The following RBFOX1 variants were observed in gnomAD, a reference collection of about 807,000 sequenced individuals.
RBFOX1 encodes RNA binding fox-1 homolog 1, also known as RNA binding protein fox-1 homolog 1.
In RBFOX1, 8 loss-of-function variants were observed where a neutral mutation model predicts 57.7. The observed-to-expected ratio is 0.14, with a 90% CI of 0.08 to 0.25. RBFOX1 has a LOEUF of 0.25. RBFOX1 is among the 10% of genes least tolerant of loss of function. RBFOX1 has a pLI of 1.00. For synonymous variants in RBFOX1, 326 were observed against 222.4 expected, an observed-to-expected ratio of 1.47 and a Z score of -4.15; for missense variants, 611 against 548.5, an observed-to-expected ratio of 1.11 and a Z score of -1.14.
At chr16:6,588,555 G>A (rs1307757017) in intron 2 of RBFOX1, among the ~76,000 whole-genome samples, 1 of 152,076 alleles carries the variant, frequency 6.6e-6, no homozygotes. Flanking sequence ...TGGAGGCTGA[G>A]GCTGGAGAAT....
chr16:6,169,598 A>G (rs538057163), intron 1 of RBFOX1, among the ~76,000 whole-genome samples: 6 of 152,140 alleles, frequency 3.9e-5, no homozygotes, highest in Admixed American at 3.9e-4. Context: ...GAAATGAGGT[A>G]CAGAAATTAG....
At chr16:6,978,926 G>T (rs2087866975) in intron 3 of RBFOX1, among the ~76,000 whole-genome samples, 1 of 152,172 alleles carries the variant, frequency 6.6e-6, no homozygotes, top group Non-Finnish European at 1.5e-5. Flanking sequence ...ACAGAGGCCT[G>T]GGGACCACAC....
At chr16:5,996,015 G>A (rs568283698) in intron 4 of RBFOX1, among the ~76,000 whole-genome samples, 158 of 152,286 alleles carry the variant, frequency 1.0e-3, no homozygotes, top group Admixed American at 2.6e-3. Context: ...ATGGTGGAAG[G>A]AGAAAAGGAG....
chr16:7,166,421 G>C (rs929568897), intron 4 of RBFOX1, among the ~76,000 whole-genome samples: 1 of 152,094 alleles, frequency 6.6e-6, no homozygotes, highest in South Asian at 2.1e-4. Flanking sequence ...GAAAACTATA[G>C]AGGAGTCCAT....
At chr16:6,408,402 A>G (rs370948094) in intron 2 of RBFOX1, among the ~76,000 whole-genome samples, 66 of 152,216 alleles carry the variant, frequency 4.3e-4, no homozygotes, top group African/African-American at 1.5e-3. Flanking sequence ...CCGGGAGCCA[A>G]TGGTTAGTGT....
chr16:5,540,954 A>T (rs920329503), intron 2 of RBFOX1, among the ~76,000 whole-genome samples: 1 of 151,974 alleles, frequency 6.6e-6, no homozygotes, highest in Non-Finnish European at 1.5e-5. Flanking sequence ...GGTTCATGTG[A>T]TTGTCCTGCC....
At chr16:6,779,534 A>G (rs982695806) in intron 3 of RBFOX1, among the ~76,000 whole-genome samples, 1 of 150,562 alleles carries the variant, frequency 6.6e-6, no homozygotes, top group African/African-American at 2.4e-5. Flanking sequence ...TATATACCCA[A>G]CAGTGAGACT....
intron 4 of RBFOX1, among the ~76,000 whole-genome samples, chr16:7,216,083 C>G (rs72765598): frequency 2.6e-5 from 4 of 151,958 alleles, no homozygotes; most frequent in African/African-American, 9.7e-5. Context: ...CCTTCTTTCA[C>G]TTAGCATAAT....
rs78392830 is a variant in RBFOX1 at position 7,697,194 on chromosome 16, T to C, written c.996-11862T>C. ...GCCCTTACAGCTGTCCAGAGAGGGG[T>C]GACAATGGCTTGGGTTAGTGGGGTG... On this transcript the variant is annotated intron_variant, in intron 14 of 15. Transcript: ENST00000550418. Among the ~76,000 whole-genome samples the C allele has an allele frequency of 5.5e-4, 83 of 152,092 alleles. 2 individuals are homozygous for C. In the East Asian group the frequency reaches 0.016, roughly 29 times the overall value.
chr16:6,798,342 G>A (rs779205311), intron 3 of RBFOX1, among the ~76,000 whole-genome samples: 7 of 152,110 alleles, frequency 4.6e-5, no homozygotes, highest in Non-Finnish European at 1.0e-4. Context: ...GTTAAATTTT[G>A]AGAATTGATG....
chr16:5,989,873 CA>C lies in RBFOX1; in HGVS notation c.351+122539del, dbSNP rs1567227296. On this transcript the variant is annotated intron_variant, in intron 4 of 19. Coordinates refer to the RBFOX1 transcript ENST00000641259. ...ACACACACACACACACACACACACACACACACACCACCCCTGTTTTATAATA... is the reference window on the plus strand; with the variant it reads ...ACACACACACACACACACACACACACCACACACCACCCCTGTTTTATAATA... 3.6e-3 allele frequency among the ~76,000 whole-genome samples: 427 copies of C among 117,684 alleles called. 5 individuals carry two copies. Among genetic ancestry groups the C allele is most frequent in the African/African-American group, 0.012 (408 of 34,332 alleles). 77.2% of individuals were successfully genotyped at this position (117,684 alleles called of 152,430 possible).
intron 3 of RBFOX1, among the ~76,000 whole-genome samples, chr16:6,978,774 GA>G (rs1207294456): frequency 1.3e-5 from 2 of 152,224 alleles, no homozygotes; most frequent in Non-Finnish European, 2.9e-5. Context: ...CCAGTGGCCT[GA>G]TTCTGGAGTT....
At chr16:7,501,991 G>C (rs2071059142) in intron 4 of RBFOX1, among the ~76,000 whole-genome samples, 1 of 152,132 alleles carries the variant, frequency 6.6e-6, no homozygotes, top group Non-Finnish European at 1.5e-5. Flanking sequence ...AATTGCGTGA[G>C]TATCATGCTC....
intron 3 of RBFOX1, among the ~76,000 whole-genome samples, chr16:6,839,243 C>T (rs868700122): frequency 7.2e-5 from 11 of 152,150 alleles, no homozygotes; most frequent in South Asian, 2.1e-4. Flanking sequence ...CCTCAGCCCC[C>T]CAAAGTGCTG....
At chr16:6,885,173 G>A (rs945418713) in intron 3 of RBFOX1, among the ~76,000 whole-genome samples, 1 of 152,120 alleles carries the variant, frequency 6.6e-6, no homozygotes, top group African/African-American at 2.4e-5. Flanking sequence ...TAATTCCCAG[G>A]TAGTAATTCC....
intron 1 of RBFOX1, among the ~76,000 whole-genome samples, chr16:6,074,899 G>A (rs1207745032): frequency 6.6e-6 from 1 of 152,074 alleles, no homozygotes; most frequent in Admixed American, 6.5e-5. Context: ...CCAGGACTTT[G>A]AGACCAGCCT....
rs77275365 is a variant in RBFOX1, at chr16:6,120,306, C to T, written c.-127+100314C>T. On this transcript the variant is annotated intron_variant, in intron 1 of 15. Coordinates refer to ENST00000550418, the MANE Select transcript of RBFOX1 (RefSeq NM_018723.4). The stretch of plus-strand genomic sequence containing the variant: ...GGGCACATACCTAGGAGTGGAATTG[C>T]TGGATCATGCAGTAGCTCTATGTTC... Among the ~76,000 whole-genome samples the T allele has an allele frequency of 6.9e-3, 1,058 of 152,316 alleles. 12 individuals are homozygous for T. Among genetic ancestry groups the T allele is most frequent in the African/African-American group, 0.024 (989 of 41,562 alleles).
chr16:6,463,799 C>T (rs923876415), intron 2 of RBFOX1, among the ~76,000 whole-genome samples: 5 of 152,206 alleles, frequency 3.3e-5, no homozygotes, highest in Middle Eastern at 3.2e-3. Context: ...CACACTGAAT[C>T]ACGTGCCCAT....
intron 2 of RBFOX1, among the ~76,000 whole-genome samples, chr16:6,471,797 A>G (rs545259189): frequency 1.3e-5 from 2 of 152,280 alleles, no homozygotes; most frequent in South Asian, 4.1e-4. Context: ...TGTCTTGTGC[A>G]ATCCCAGCTG....
Sources: gnomAD v4.1 joint callset for allele counts (sites outside exome capture counted in the v4.1 genomes callset) on GRCh38, gnomAD v4.1.1 for gene constraint, MANE v1.5 for transcripts, NCBI Gene and HGNC (gene_info 2026-07-23, HGNC 2026-07-21) for gene names.